The following ZBTB20 variants were observed in gnomAD, a reference collection of about 807,000 sequenced individuals.
ZBTB20 encodes the protein zinc finger and BTB domain containing 20.
ZBTB20 carries 9 observed loss-of-function variants against 56.9 expected under a neutral mutation model. That is an observed-to-expected ratio of 0.16 (90% CI 0.10 to 0.28). The LOEUF is 0.28. Among genes scored for constraint, ZBTB20 ranks in the 10% least tolerant of loss-of-function variants. ZBTB20 has a pLI of 1.00. For synonymous variants in ZBTB20, 417 were observed against 420.7 expected, an observed-to-expected ratio of 0.99 and a Z score of 0.11; for missense variants, 655 against 1,003.0, an observed-to-expected ratio of 0.65 and a Z score of 4.69.
At chr3:114,748,311 TTTC>T (rs2067233549) in intron 5 of ZBTB20, among the ~76,000 whole-genome samples, 1 of 138,298 alleles carries the variant, frequency 7.2e-6, no homozygotes, top group African/African-American at 2.9e-5. Context: ...TCTTTCTTTC[TTTC>T]TTTCTTTCTT....
chr3:114,600,972 T>C (rs556088222), intron 6 of ZBTB20, among the ~76,000 whole-genome samples: 3 of 151,828 alleles, frequency 2.0e-5, no homozygotes, highest in Non-Finnish European at 2.9e-5. Flanking sequence ...TTTTTTTTTT[T>C]TCTCTAGGGA....
chr3:115,078,954 T>C (rs1355108090), intron 1 of ZBTB20, among the ~76,000 whole-genome samples: 1 of 152,176 alleles, frequency 6.6e-6, no homozygotes. Context: ...TTAAAAGTTA[T>C]TGGACTGCTA....
At chr3:114,348,358 C>G (rs190314916) in intron 11 of ZBTB20, among the ~76,000 whole-genome samples, 2 of 152,152 alleles carry the variant, frequency 1.3e-5, no homozygotes, top group African/African-American at 4.8e-5. Flanking sequence ...AACTATGTGA[C>G]AGCACTCTAT....
intron 2 of ZBTB20, among the ~76,000 whole-genome samples, chr3:115,042,637 C>T (rs2081185971): frequency 6.6e-6 from 1 of 152,206 alleles, no homozygotes; most frequent in Admixed American, 6.5e-5. Flanking sequence ...AATTACCACC[C>T]ACTTACTGAT....
intron 5 of ZBTB20, among the ~76,000 whole-genome samples, chr3:114,761,698 G>A (rs1328201894): frequency 6.6e-6 from 1 of 151,964 alleles, no homozygotes; most frequent in East Asian, 1.9e-4. Flanking sequence ...AGATGGGGTG[G>A]TGGCAGAAAG....
rs577427289 is a variant in ZBTB20, at chr3:114,535,896, C to G, written c.-294-35505G>C. 3.2e-4 allele frequency among the ~76,000 whole-genome samples: 48 copies of G among 152,222 alleles called. No homozygotes were observed. In the South Asian group the frequency reaches 5.0e-3, roughly 16 times the overall value. On this transcript the variant is annotated intron_variant, in intron 6 of 11. Coordinates refer to ENST00000675478, the MANE Select transcript of ZBTB20 (RefSeq NM_001348800.3). ...AGCAGTTTAGAGCCAATGACAAAAG[C>G]CACATGATTATCTCAATAGATGCAG...
chr3:114,485,653 G>A (rs975994943), intron 7 of ZBTB20, among the ~76,000 whole-genome samples: 5 of 152,142 alleles, frequency 3.3e-5, no homozygotes, highest in Non-Finnish European at 4.4e-5. Flanking sequence ...ATTAAGAGGT[G>A]GAGTCTTTAG....
chr3:115,099,379 T>C (rs1450003412), intron 1 of ZBTB20, among the ~76,000 whole-genome samples: 2 of 152,166 alleles, frequency 1.3e-5, no homozygotes, highest in Non-Finnish European at 1.5e-5. Context: ...GAAACTGTCC[T>C]AGGATAAAAA....
At chr3:114,415,863 T>A (rs1319948896) in intron 7 of ZBTB20, among the ~76,000 whole-genome samples, 1 of 152,088 alleles carries the variant, frequency 6.6e-6, no homozygotes, top group Non-Finnish European at 1.5e-5. Context: ...ACTCTTTGAA[T>A]CACCTGAAAG....
intron 10 of ZBTB20, among the ~76,000 whole-genome samples, chr3:114,369,365 G>C (rs1480295553): frequency 1.3e-5 from 2 of 152,100 alleles, no homozygotes; most frequent in Non-Finnish European, 2.9e-5. Flanking sequence ...GGAGAGGAAA[G>C]GAAAAAACTC....
chr3:114,342,084 G>T (rs1305943559), intron 11 of ZBTB20, among the ~76,000 whole-genome samples: 1 of 152,154 alleles, frequency 6.6e-6, no homozygotes, highest in African/African-American at 2.4e-5. Flanking sequence ...TGAAGTGTAG[G>T]TATTTCAGAA....
intron 5 of ZBTB20, among the ~76,000 whole-genome samples, chr3:114,766,259 G>A (rs2068777740): frequency 6.6e-6 from 1 of 151,910 alleles, no homozygotes; most frequent in South Asian, 2.1e-4. Flanking sequence ...AAGGCTAGCT[G>A]GTATTGAGAG....
At chr3:114,543,306 A>G (rs2049337553) in intron 6 of ZBTB20, among the ~76,000 whole-genome samples, 1 of 152,050 alleles carries the variant, frequency 6.6e-6, no homozygotes, top group South Asian at 2.1e-4. Context: ...GGTTGATTAA[A>G]TCTACAAATG....
chr3:114,385,197 ATGCCT>A (rs1196049747), intron 8 of ZBTB20, among the ~76,000 whole-genome samples: 1 of 152,138 alleles, frequency 6.6e-6, no homozygotes, highest in East Asian at 1.9e-4. Context: ...TAGACCAGTG[ATGCCT>A]CCCCCAATCT....
At chr3:114,577,600 G>A (rs555481374) in intron 6 of ZBTB20, among the ~76,000 whole-genome samples, 1 of 152,220 alleles carries the variant, frequency 6.6e-6, no homozygotes, top group Non-Finnish European at 1.5e-5. Context: ...GAATCACATC[G>A]AGATACCTAG....
intron 4 of ZBTB20, among the ~76,000 whole-genome samples, chr3:114,811,838 C>T (rs544492212): frequency 4.0e-5 from 5 of 124,138 alleles, no homozygotes; most frequent in African/African-American, 9.0e-5. Flanking sequence ...GATGGAACTC[C>T]GTCACCTTGT....
chr3:115,042,846 A>T (rs2081192598), intron 2 of ZBTB20, among the ~76,000 whole-genome samples: 1 of 152,242 alleles, frequency 6.6e-6, no homozygotes, highest in Non-Finnish European at 1.5e-5. Context: ...GATCTTCACC[A>T]ATAAGCTACA....
chr3:115,031,429 C>T (rs558193538), intron 2 of ZBTB20, among the ~76,000 whole-genome samples: 2 of 151,472 alleles, frequency 1.3e-5, no homozygotes, highest in South Asian at 2.1e-4. Context: ...GTATATGCAA[C>T]GTGCCAAATT....
chr3:114,359,375 T>C (rs2081574282), intron 10 of ZBTB20: 2 of 152,222 alleles, frequency 1.3e-5, no homozygotes, highest in African/African-American at 2.4e-5. Flanking sequence ...TAAGTTTTAC[T>C]CTGTGAATAA....
Sources: gnomAD v4.1 joint callset for allele counts (sites outside exome capture counted in the v4.1 genomes callset) on GRCh38, gnomAD v4.1.1 for gene constraint, MANE v1.5 for transcripts, NCBI Gene and HGNC (gene_info 2026-07-23, HGNC 2026-07-21) for gene names.